NAALADL2: variants seen among roughly 807,000 people sequenced by gnomAD.
NAALADL2 encodes the protein N-acetylated alpha-linked acidic dipeptidase like 2.
NAALADL2 carries 76 observed loss-of-function variants against 87.2 expected under a neutral mutation model. That is an observed-to-expected ratio of 0.87 (90% CI 0.72 to 1.05). The LOEUF (loss-of-function observed/expected upper bound fraction) is 1.05, where lower values mean the gene tolerates loss of function less well. NAALADL2 is among the 50% of genes least tolerant of loss of function. The pLI, the probability that NAALADL2 is intolerant of heterozygous loss-of-function variation, is 0.00. For missense variants in NAALADL2, 1,089 were observed against 945.8 expected (o/e 1.15, Z -1.99); for synonymous variants, 354 against 331.0 (o/e 1.07, Z -0.75).
intron 2 of NAALADL2, among the ~76,000 whole-genome samples, chr3:175,231,951 G>A (rs1436329775): frequency 6.6e-6 from 1 of 152,014 alleles, no homozygotes; most frequent in East Asian, 1.9e-4. Context: ...GGTAGGAAAA[G>A]GTAGAGAACA....
At chr3:175,318,784 T>TAA (rs1239467549) in intron 4 of NAALADL2, among the ~76,000 whole-genome samples, 2 of 152,208 alleles carry the variant, frequency 1.3e-5, no homozygotes, top group African/African-American at 4.8e-5. Flanking sequence ...CCTTTGTAAT[T>TAA]AAACTACTCT....
rs1451039944 is a variant in NAALADL2 at position 175,310,340 on chromosome 3, T to C, written c.940-13835T>C. On this transcript the variant is annotated intron_variant, in intron 4 of 13. Coordinates refer to ENST00000454872, the MANE Select transcript of NAALADL2 (RefSeq NM_207015.3). ...ACATTTAGTCACCATTTTTTTTTCT[T>C]TTATATATAAGAAAATTGGAAGCTC... Among the ~76,000 whole-genome samples, 3 of 152,132 alleles carry C rather than the reference T, an allele frequency of 2.0e-5. No individual in the cohort carries two copies. In the East Asian group the frequency reaches 5.8e-4, roughly 29 times the overall value.
intron 4 of NAALADL2, among the ~76,000 whole-genome samples, chr3:175,318,684 A>G (rs1448626107): frequency 6.6e-6 from 1 of 152,190 alleles, no homozygotes; most frequent in African/African-American, 2.4e-5. Context: ...TAACCATTTT[A>G]AGGTGATGTG....
At chr3:174,690,144 G>A (rs1306404331) in intron 2 of NAALADL2, among the ~76,000 whole-genome samples, 1 of 152,112 alleles carries the variant, frequency 6.6e-6, no homozygotes, top group Non-Finnish European at 1.5e-5. Flanking sequence ...ATCAAGATGT[G>A]ATTTCATTAA....
intron 1 of NAALADL2, among the ~76,000 whole-genome samples, chr3:174,894,594 C>CAAAAAAAAAAAAAAAAAAAAAAAAA (rs869161862): frequency 8.3e-5 from 4 of 48,474 alleles, no homozygotes; most frequent in South Asian, 7.2e-4. Flanking sequence ...AACTCCGTCT[C>CAAAAAAAAAAAAAAAAAAAAAAAAA]AAAAAAAAAA....
At chr3:175,616,563 T>C (rs1725379792) in intron 10 of NAALADL2, among the ~76,000 whole-genome samples, 1 of 151,602 alleles carries the variant, frequency 6.6e-6, no homozygotes, top group East Asian at 2.0e-4. Flanking sequence ...AATCTGGGAG[T>C]GTATATGTGA....
Position 174,611,221 on chromosome 3 carries a change from T to C in NAALADL2, c.-115+60584T>C, listed in dbSNP as rs113493955. On this transcript the variant is annotated intron_variant, in intron 2 of 3. Transcript: ENST00000434257. ...AGGAGATACACCTAATGGTAAATGA[T>C]GAGTTAATGGGTGCAGCACACCAGT... Among the ~76,000 whole-genome samples the C allele has an allele frequency of 8.4e-3, 1,275 of 151,356 alleles. 14 individuals carry two copies. Among genetic ancestry groups the C allele is most frequent in the African/African-American group, 0.03 (1,230 of 41,242 alleles).
chr3:175,697,427 AC>A (rs2149943082), intron 11 of NAALADL2, among the ~76,000 whole-genome samples: 1 of 151,734 alleles, frequency 6.6e-6, no homozygotes, highest in African/African-American at 2.4e-5. Flanking sequence ...ACACACACAC[AC>A]ACACAAAACC....
At chr3:174,762,832 AT>A (rs1483046379) in intron 3 of NAALADL2, among the ~76,000 whole-genome samples, 2 of 152,202 alleles carry the variant, frequency 1.3e-5, no homozygotes, top group Non-Finnish European at 2.9e-5. Flanking sequence ...ATAAAAAAAA[AT>A]CTTAATTACA....
In NAALADL2 at chr3:174,927,319, G is replaced by C. The variant is rs560073198; in HGVS notation, c.43+67869G>C. On this transcript the variant is annotated intron_variant, in intron 1 of 13. Transcript: ENST00000454872. ...ATCAACGGGACAGAAAGTTAATAAG[G>C]ATATCCAGAAATTGAACTCAGCTCT... Among the ~76,000 whole-genome samples the C allele has an allele frequency of 5.6e-4, 85 of 152,242 alleles. No homozygotes were observed. In the South Asian group the frequency reaches 0.017, roughly 31 times the overall value.
At chr3:175,381,281 AGT>A (rs1285506067) in intron 5 of NAALADL2, among the ~76,000 whole-genome samples, 7 of 151,700 alleles carry the variant, frequency 4.6e-5, no homozygotes, top group South Asian at 2.1e-4. Context: ...TAATTATTTT[AGT>A]TCTATCTGAC....
At chr3:174,738,969 T>A (rs374468828) in intron 3 of NAALADL2, among the ~76,000 whole-genome samples, 2 of 152,290 alleles carry the variant, frequency 1.3e-5, no homozygotes, top group African/African-American at 4.8e-5. Context: ...AGGACTGACA[T>A]CCAAGAATAA....
intron 1 of NAALADL2, among the ~76,000 whole-genome samples, chr3:174,874,190 C>T (rs947249904): frequency 6.6e-6 from 1 of 152,092 alleles, no homozygotes; most frequent in African/African-American, 2.4e-5. Flanking sequence ...GGCTTTGTGC[C>T]TGTTCACCAG....
intron 2 of NAALADL2, among the ~76,000 whole-genome samples, chr3:174,576,159 A>G (rs1264554127): frequency 6.6e-6 from 1 of 152,172 alleles, no homozygotes; most frequent in African/African-American, 2.4e-5. Context: ...CACCGTGCCC[A>G]GCCTGGGTAT....
chr3:175,499,165 T>A (rs80158421), intron 9 of NAALADL2, among the ~76,000 whole-genome samples: 60 of 152,228 alleles, frequency 3.9e-4, no homozygotes, highest in African/African-American at 1.4e-3. Flanking sequence ...CAGTGTGTGA[T>A]AGATTTGTTA....
At chr3:175,425,575 A>G (rs890563714) in intron 5 of NAALADL2, among the ~76,000 whole-genome samples, 1 of 152,008 alleles carries the variant, frequency 6.6e-6, no homozygotes, top group Non-Finnish European at 1.5e-5. Context: ...CACTAATCTC[A>G]TTGGTCATTA....
At chr3:175,780,593 G>A (rs1428380996) in intron 13 of NAALADL2, among the ~76,000 whole-genome samples, 5 of 152,072 alleles carry the variant, frequency 3.3e-5, no homozygotes. Context: ...AAGCTGGTAT[G>A]GTTTATCCTC....
intron 1 of NAALADL2, among the ~76,000 whole-genome samples, chr3:175,058,387 C>G (rs140940389): frequency 0.012 from 1,815 of 152,184 alleles, 37 homozygotes; most frequent in African/African-American, 0.042. Context: ...AGGCCCTGGG[C>G]TCGGTGCTAT....
intron 1 of NAALADL2, among the ~76,000 whole-genome samples, chr3:174,971,746 A>G (rs1448969319): frequency 6.6e-6 from 1 of 151,524 alleles, no homozygotes; most frequent in Non-Finnish European, 1.5e-5. Context: ...TACCCAGGCT[A>G]GAGTGCAGTG....
Sources: allele counts gnomAD v4.1 joint callset (sites outside exome capture counted in the v4.1 genomes callset), GRCh38; gene constraint gnomAD v4.1.1; transcripts MANE v1.5; gene names NCBI Gene and HGNC (gene_info 2026-07-23, HGNC 2026-07-21).